ATP2B4: variants seen among roughly 807,000 people sequenced by gnomAD.
ATP2B4 encodes the protein plasma membrane calcium-transporting ATPase 4.
In ATP2B4, 39 loss-of-function variants were observed where a neutral mutation model predicts 110.3. The observed-to-expected ratio is 0.35, with a 90% CI of 0.27 to 0.46. ATP2B4 has a LOEUF of 0.46. Among genes scored for constraint, ATP2B4 ranks in the 20% least tolerant of loss-of-function variants. ATP2B4 has a pLI of 1.00. For synonymous variants in ATP2B4, 538 were observed against 571.7 expected (o/e 0.94, Z 0.84); for missense variants, 1,135 against 1,530.9 (o/e 0.74, Z 4.32).
At chr1:203,633,742 A>ATAAATAAT (rs1332606892) in intron 1 of ATP2B4, among the ~76,000 whole-genome samples, 4 of 151,700 alleles carry the variant, frequency 2.6e-5, no homozygotes, top group Admixed American at 6.6e-5. Flanking sequence ...AAATAAATAA[A>ATAAATAAT]TAAAGTAAAT....
At chr1:203,676,584 A>AC (rs2102352088) in intron 1 of ATP2B4, among the ~76,000 whole-genome samples, 1 of 152,144 alleles carries the variant, frequency 6.6e-6, no homozygotes, top group South Asian at 2.1e-4. Flanking sequence ...TAGAGCTTAA[A>AC]CCCCCCAAGG....
chr1:203,627,914 G>C (rs567498808), intron 1 of ATP2B4, among the ~76,000 whole-genome samples: 1 of 152,324 alleles, frequency 6.6e-6, no homozygotes, highest in South Asian at 2.1e-4. Flanking sequence ...TGTGGAAAAA[G>C]CTGGGAGTTA....
intron 1 of ATP2B4, among the ~76,000 whole-genome samples, chr1:203,638,277 C>T (rs1248261018): frequency 6.6e-6 from 1 of 152,242 alleles, no homozygotes; most frequent in Non-Finnish European, 1.5e-5. Flanking sequence ...AGTACCGGTA[C>T]TGTGGGCAGG....
At chr1:203,712,987 T>C (rs999253199) in intron 13 of ATP2B4, among the ~76,000 whole-genome samples, 178 bp from the exon 14 acceptor site, 2 of 152,148 alleles carry the variant, frequency 1.3e-5, no homozygotes, top group South Asian at 2.1e-4. Flanking sequence ...TCATCATCCA[T>C]GAATCTACCC....
At chr1:203,645,693 C>T (rs576849942) in intron 1 of ATP2B4, among the ~76,000 whole-genome samples, 4 of 151,558 alleles carry the variant, frequency 2.6e-5, no homozygotes, top group East Asian at 2.0e-4. Flanking sequence ...TGGGTTCAAG[C>T]GATTCTCCTG....
intron 15 of ATP2B4, among the ~76,000 whole-genome samples, chr1:203,714,538 C>T (rs1218273162): frequency 1.3e-5 from 2 of 152,176 alleles, no homozygotes; most frequent in Non-Finnish European, 2.9e-5. Context: ...TGCCTATAAA[C>T]ATGTGAGGTT....
In ATP2B4 at chr1:203,698,179, T is replaced by G; in HGVS notation, c.216T>G (p.Asp72Glu). ...CAGGTCTGTCTGGGAACCCTGCAGA[T>G]CTGGAGAAACGTAGGCAGGTGTTTG... ...PVEGLSGNPA[D>E]LEKRRQVFGH... is the part of the protein sequence containing the mutation. The change falls in exon 3 of 21, where the codon GAT becomes GAG. Residue 72 changes from aspartate (D) to glutamate (E), a missense_variant. Physicochemically the swap from Asp to Glu is conservative, Grantham distance 45. Transcript: ENST00000357681. The G allele has an allele frequency of 6.2e-7, 1 of 1,614,188 alleles. No homozygotes were observed. Among genetic ancestry groups the G allele is most frequent in the Non-Finnish European group, 8.5e-7 (1 of 1,180,032 alleles).
chr1:203,703,164 C>CGA (rs144760902), intron 7 of ATP2B4, among the ~76,000 whole-genome samples: 26,339 of 145,024 alleles, frequency 0.18, 2,315 homozygotes, highest in South Asian at 0.26. Flanking sequence ...CCCTGACAAT[C>CGA]GAGAGAGAGA....
chr1:203,676,724 C>G (rs1441051444), intron 1 of ATP2B4, among the ~76,000 whole-genome samples: 1 of 151,870 alleles, frequency 6.6e-6, no homozygotes, highest in African/African-American at 2.4e-5. Flanking sequence ...AGGAAGCCCT[C>G]ATCCCCACCA....
intron 1 of ATP2B4, among the ~76,000 whole-genome samples, chr1:203,645,335 G>A (rs1193233184): frequency 6.6e-6 from 1 of 152,132 alleles, no homozygotes; most frequent in Admixed American, 6.5e-5. Context: ...TAATGCCCTA[G>A]CCAGACAGAG....
chr1:203,676,557 G>C (rs1256897504), intron 1 of ATP2B4, among the ~76,000 whole-genome samples: 1 of 152,192 alleles, frequency 6.6e-6, no homozygotes, highest in Non-Finnish European at 1.5e-5. Context: ...AAGCGTAAGA[G>C]TGCCAGAGAG....
intron 15 of ATP2B4, among the ~76,000 whole-genome samples, chr1:203,717,831 A>T (rs1337383270): frequency 1.3e-5 from 2 of 151,830 alleles, no homozygotes; most frequent in Non-Finnish European, 2.9e-5. Flanking sequence ...TTTAGTAGAG[A>T]TGGGGTTTCA....
chr1:203,628,681 G>T (rs943332029), intron 1 of ATP2B4, among the ~76,000 whole-genome samples: 2 of 152,098 alleles, frequency 1.3e-5, no homozygotes, highest in Non-Finnish European at 2.9e-5. Flanking sequence ...GCTTCCCATT[G>T]GAGGCCCTAC....
intron 1 of ATP2B4, among the ~76,000 whole-genome samples, chr1:203,632,010 T>A (rs1325553777): frequency 6.6e-6 from 1 of 151,654 alleles, no homozygotes; most frequent in Non-Finnish European, 1.5e-5. Context: ...CCCAGGCTGG[T>A]CTCAAACTCC....
intron 15 of ATP2B4, among the ~76,000 whole-genome samples, chr1:203,718,093 A>G (rs1317067038): frequency 6.6e-6 from 1 of 152,104 alleles, no homozygotes; most frequent in Non-Finnish European, 1.5e-5. Context: ...CTTAAGTCTC[A>G]CTTGCTTTTG....
rs1558052429 is a variant in ATP2B4 at position 203,723,450 on chromosome 1, CT to C, written c.3025-430del. 7.9e-4 allele frequency among the ~76,000 whole-genome samples: 109 copies of C among 138,672 alleles called. 2 individuals are homozygous for C. The highest frequency in any genetic ancestry group is 2.8e-3 in the African/African-American group (101 of 35,970). The allele number at this position is 138,672 out of a possible 152,430, so 91.0% of individuals were successfully genotyped here. ...TCTCTCTCTCTCTCTCTCTCTCTCT[CT>C]CTCTCTCTCCCTCTGCCTCTCTCTC... On this transcript the variant is annotated intron_variant, in intron 18 of 20. Coordinates refer to ENST00000357681, the MANE Select transcript of ATP2B4 (RefSeq NM_001684.5).
At chr1:203,709,109 G>C (rs1665929798) in intron 10 of ATP2B4, among the ~76,000 whole-genome samples, 192 bp from the exon 11 acceptor site, 1 of 151,826 alleles carries the variant, frequency 6.6e-6, no homozygotes, top group Non-Finnish European at 1.5e-5. Context: ...GTGAGCCAAG[G>C]TCGTGCCACT....
chr1:203,652,442 G>T (rs897205124), intron 1 of ATP2B4, among the ~76,000 whole-genome samples: 1 of 151,910 alleles, frequency 6.6e-6, no homozygotes, highest in East Asian at 1.9e-4. Flanking sequence ...CACTATGCGA[G>T]GCCTACTAAA....
intron 19 of ATP2B4, among the ~76,000 whole-genome samples, chr1:203,725,207 G>A (rs943441325): frequency 2.0e-5 from 3 of 149,978 alleles, no homozygotes; most frequent in Admixed American, 6.7e-5. Flanking sequence ...GAGTGCAATG[G>A]TGCAATCTTG....
Sources: allele counts gnomAD v4.1 joint callset (sites outside exome capture counted in the v4.1 genomes callset), GRCh38; gene constraint gnomAD v4.1.1; transcripts MANE v1.5; gene names NCBI Gene and HGNC (gene_info 2026-07-23, HGNC 2026-07-21).